The following SLC4A7 variants were observed in gnomAD, a reference collection of about 807,000 sequenced individuals.
SLC4A7 encodes the protein sodium bicarbonate cotransporter 3.
A neutral mutation model predicts 137.6 loss-of-function variants in SLC4A7; 51 were observed. That is an observed-to-expected ratio of 0.37 (90% CI 0.30 to 0.47). The LOEUF (loss-of-function observed/expected upper bound fraction) is 0.47. SLC4A7 is among the 20% of genes least tolerant of loss of function. SLC4A7 has a pLI of 1.00. For missense variants in SLC4A7, 1,247 were observed against 1,525.4 expected, an observed-to-expected ratio of 0.82 and a Z score of 3.04; for synonymous variants, 542 against 518.6, an observed-to-expected ratio of 1.05 and a Z score of -0.61.
At chr3:27,483,860 C>T (rs2059827337) in intron 1 of SLC4A7, among the ~76,000 whole-genome samples, 1 of 151,254 alleles carries the variant, frequency 6.6e-6, no homozygotes, top group Admixed American at 6.6e-5. Context: ...CTCGGGCCTC[C>T]CGAGCGCAGC....
chr3:27,403,347 T>C lies in SLC4A7; in HGVS notation c.2113A>G (p.Ile705Val). 2 of 1,604,124 alleles carry C rather than the reference T, an allele frequency of 1.2e-6. No homozygotes were observed. Among genetic ancestry groups the C allele is most frequent in the Non-Finnish European group, 1.7e-6 (2 of 1,174,384 alleles). Residue 705 changes from isoleucine to valine, a missense_variant, in exon 15 of 26, where the codon ATT (isoleucine) becomes GTT (valine). By Grantham distance (29) the Ile-to-Val change is conservative. Around this residue, in one of 6 missense-constraint regions of SLC4A7, gnomAD observed 499 missense variants for 664.2 expected, o/e 0.75. Coordinates refer to ENST00000454389, the MANE Select transcript of SLC4A7 (RefSeq NM_001321103.2). ...CACAAAAAAGAAGTCCACAGACCAA[T>C]ACTGGTTCTTAAAGACAGATAAGAA... is the stretch of plus-strand genomic sequence containing the variant. ...QLSYLSLRTS[I>V]GLWTSFLCIV...
In SLC4A7 at chr3:27,397,706, AGT is replaced by A. The variant is rs2150123908; in HGVS notation, c.2679_2680del (p.Lys893AsnfsTer5). The A allele has an allele frequency of 1.3e-6, 2 of 1,596,006 alleles. No homozygotes were observed. Among genetic ancestry groups the A allele is most frequent in the East Asian group, 4.5e-5 (2 of 44,606 alleles). On this transcript the variant is annotated frameshift_variant, in exon 18 of 26. Transcript: ENST00000454389. LOFTEE classifies it high-confidence loss of function. ...TACCTCAAATTTTTCAGGAACATGAAGTTTAGGAGATGGAACTCCTACAAGGT... is the reference window on the plus strand; with the variant it reads ...TACCTCAAATTTTTCAGGAACATGAATTAGGAGATGGAACTCCTACAAGGT...
chr3:27,432,338 C>T (rs1174899252), intron 6 of SLC4A7, among the ~76,000 whole-genome samples: 24 of 152,014 alleles, frequency 1.6e-4, no homozygotes, highest in Non-Finnish European at 1.5e-4. Context: ...TAATAAATGT[C>T]CTAAAGTATG....
At chr3:27,429,109 T>C (rs923872302) in intron 7 of SLC4A7, among the ~76,000 whole-genome samples, 4 of 151,624 alleles carry the variant, frequency 2.6e-5, no homozygotes, top group African/African-American at 7.3e-5. Context: ...CTACTAAAAA[T>C]ACAAAAATTA....
At position 27,418,520 on chromosome 3, in the gene SLC4A7, A is replaced by G; in HGVS notation, c.1625T>C (p.Ile542Thr). The G allele has an allele frequency of 6.2e-7, 1 of 1,612,094 alleles. No individual in the cohort carries two copies. The highest frequency in any genetic ancestry group is 8.5e-7 in the Non-Finnish European group (1 of 1,178,354). ...VLPPGEWDPSIRIEPPKSVPS... is the reference protein window; with the variant it reads ...VLPPGEWDPSTRIEPPKSVPS... ...GACACTTTTTGGTGGTTCTATGCGTATAGAAGGATCCCACTCTCCTGGAGG... is the reference window on the plus strand; with the variant it reads ...GACACTTTTTGGTGGTTCTATGCGTGTAGAAGGATCCCACTCTCCTGGAGG... The change falls in exon 11 of 26, where the codon ATA (isoleucine) becomes ACA (threonine). Residue 542 changes from isoleucine (I) to threonine (T), a missense_variant. By Grantham distance (89) the Ile-to-Thr change is moderately conservative. Transcript: ENST00000454389.
intron 1 of SLC4A7, among the ~76,000 whole-genome samples, chr3:27,480,699 CT>C: frequency 6.6e-6 from 1 of 152,278 alleles, no homozygotes; most frequent in East Asian, 1.9e-4. Flanking sequence ...AACAGAATGC[CT>C]ACTTACAGAC....
chr3:27,453,154 G>T (rs891793563), intron 1 of SLC4A7, among the ~76,000 whole-genome samples: 26 of 152,120 alleles, frequency 1.7e-4, no homozygotes, highest in African/African-American at 6.0e-4. Flanking sequence ...ATTAGAAAAT[G>T]TTGTATAGGC....
At chr3:27,446,707 G>T (rs1015841301) in intron 3 of SLC4A7, among the ~76,000 whole-genome samples, 1 of 151,814 alleles carries the variant, frequency 6.6e-6, no homozygotes, top group Non-Finnish European at 1.5e-5. Context: ...GTTTTTTACT[G>T]TTTAAGTATT....
At chr3:27,480,791 A>AT (rs202118912) in intron 1 of SLC4A7, among the ~76,000 whole-genome samples, 37 of 151,532 alleles carry the variant, frequency 2.4e-4, no homozygotes, top group South Asian at 1.0e-3. Context: ...TCTAATGACT[A>AT]TTTTTTTTTA....
At chr3:27,431,983 C>A (rs2150374762) in intron 6 of SLC4A7, among the ~76,000 whole-genome samples, 1 of 152,254 alleles carries the variant, frequency 6.6e-6, no homozygotes, top group South Asian at 2.1e-4. Context: ...AATACAAAGT[C>A]ACTGCTTAAA....
chr3:27,409,807 T>G (rs2053731518), intron 12 of SLC4A7, among the ~76,000 whole-genome samples: 1 of 152,196 alleles, frequency 6.6e-6, no homozygotes, highest in Non-Finnish European at 1.5e-5. Context: ...AATGTAATTT[T>G]GGACACAAAT....
chr3:27,446,884 TG>T (rs369066323), intron 3 of SLC4A7, among the ~76,000 whole-genome samples: 22,334 of 99,132 alleles, frequency 0.23, 2,499 homozygotes, highest in Non-Finnish European at 0.26. Context: ...TGTTTTTTTT[TG>T]TTTTTTTTGT....
intron 1 of SLC4A7, among the ~76,000 whole-genome samples, chr3:27,481,758 A>G (rs888059758): frequency 5.3e-5 from 8 of 152,196 alleles, no homozygotes; most frequent in African/African-American, 9.6e-5. Flanking sequence ...TTACCCTTCT[A>G]AAGTGCTCCC....
At chr3:27,445,145 C>G (rs2057489916) in intron 3 of SLC4A7, among the ~76,000 whole-genome samples, 1 of 152,190 alleles carries the variant, frequency 6.6e-6, no homozygotes, top group Non-Finnish European at 1.5e-5. Flanking sequence ...ACAGAAAGTG[C>G]TTAGCCTACT....
At chr3:27,471,952 T>C (rs938826019) in intron 1 of SLC4A7, among the ~76,000 whole-genome samples, 9 of 152,222 alleles carry the variant, frequency 5.9e-5, no homozygotes, top group Non-Finnish European at 1.2e-4. Flanking sequence ...ATTCTGGCTT[T>C]ACATGAAAAT....
At chr3:27,443,024 C>CT (rs1156950293) in intron 3 of SLC4A7, among the ~76,000 whole-genome samples, 15,737 of 100,682 alleles carry the variant, frequency 0.16, 2,392 homozygotes, top group African/African-American at 0.27. Flanking sequence ...TCTCTTTTTT[C>CT]TTTTTTTCTT....
intron 7 of SLC4A7, among the ~76,000 whole-genome samples, chr3:27,425,942 G>T (rs2055565041): frequency 6.6e-6 from 1 of 152,092 alleles, no homozygotes. Flanking sequence ...TGGAAGTTCA[G>T]TTAAAATCTG....
chr3:27,408,487 T>TAG (rs2053597099), intron 13 of SLC4A7, among the ~76,000 whole-genome samples: 1 of 152,232 alleles, frequency 6.6e-6, no homozygotes, highest in Admixed American at 6.5e-5. Context: ...TTTCAGTTGT[T>TAG]AGGTTTATTT....
At chr3:27,447,640 CTTT>C (rs71087609) in intron 3 of SLC4A7, among the ~76,000 whole-genome samples, 1 of 99,696 alleles carries the variant, frequency 1.0e-5, no homozygotes, top group African/African-American at 4.2e-5. Context: ...TTTTACAGCC[CTTT>C]TTTTTTTTTT....
Sources: gnomAD v4.1 joint callset for allele counts (sites outside exome capture counted in the v4.1 genomes callset) on GRCh38, gnomAD v4.1.1 for gene constraint, gnomAD v4.1.1 regional missense constraint, MANE v1.5 for transcripts, NCBI Gene and HGNC (gene_info 2026-07-23, HGNC 2026-07-21) for gene names.